The following ST8SIA1 variants were observed in gnomAD, a reference collection of about 807,000 sequenced individuals.
ST8SIA1 encodes the protein ST8 alpha-N-acetyl-neuraminide alpha-2,8-sialyltransferase 1.
A neutral mutation model predicts 35.9 loss-of-function variants in ST8SIA1; 16 were observed. The observed-to-expected ratio is 0.45, with a 90% CI of 0.30 to 0.68. The LOEUF (loss-of-function observed/expected upper bound fraction) is 0.68, where lower values mean the gene tolerates loss of function less well. ST8SIA1 is among the 30% of genes least tolerant of loss of function. The pLI is 0.09. For missense variants in ST8SIA1, 383 were observed against 453.6 expected, an observed-to-expected ratio of 0.84 and a Z score of 1.41; for synonymous variants, 170 against 169.6, an observed-to-expected ratio of 1.00 and a Z score of -0.02.
At chr12:22,221,211 C>T (rs1260510130) in intron 4 of ST8SIA1, among the ~76,000 whole-genome samples, 1 of 151,734 alleles carries the variant, frequency 6.6e-6, no homozygotes, top group Non-Finnish European at 1.5e-5. Flanking sequence ...CAATTTACAT[C>T]ATCACCTGGA....
At chr12:22,230,103 CAAAT>C (rs1371995014) in intron 4 of ST8SIA1, among the ~76,000 whole-genome samples, 1 of 152,178 alleles carries the variant, frequency 6.6e-6, no homozygotes, top group Non-Finnish European at 1.5e-5. Context: ...ATTGTTCAAA[CAAAT>C]AGTGTCAAGC....
At chr12:22,217,200 C>A (rs972405677) in intron 4 of ST8SIA1, among the ~76,000 whole-genome samples, 1 of 152,096 alleles carries the variant, frequency 6.6e-6, no homozygotes, top group Non-Finnish European at 1.5e-5. Context: ...CATAGGTGTT[C>A]ATCTCTTATG....
At chr12:22,247,223 T>A (rs1396736663) in intron 4 of ST8SIA1, among the ~76,000 whole-genome samples, 1 of 151,526 alleles carries the variant, frequency 6.6e-6, no homozygotes, top group Non-Finnish European at 1.5e-5. Flanking sequence ...CAACTCCACA[T>A]ATTCAGGTAG....
chr12:22,240,978 C>CTTT (rs35021216), intron 4 of ST8SIA1, among the ~76,000 whole-genome samples: 74 of 130,428 alleles, frequency 5.7e-4, no homozygotes, highest in South Asian at 1.5e-3. Flanking sequence ...CATGCCAACT[C>CTTT]TTTTTTTTTT....
chr12:22,311,246 C>T (rs1237771451), intron 1 of ST8SIA1, among the ~76,000 whole-genome samples: 1 of 152,086 alleles, frequency 6.6e-6, no homozygotes, highest in African/African-American at 2.4e-5. Flanking sequence ...TGGCAAGAGA[C>T]AGCAGCAAAT....
At chr12:22,318,942 A>T (rs1866551081) in intron 1 of ST8SIA1, among the ~76,000 whole-genome samples, 1 of 152,136 alleles carries the variant, frequency 6.6e-6, no homozygotes, top group South Asian at 2.1e-4. Flanking sequence ...CAAGGTCCTT[A>T]AGCTCTTTGT....
intron 1 of ST8SIA1, among the ~76,000 whole-genome samples, chr12:22,312,650 G>A (rs1162046383): frequency 6.6e-6 from 1 of 151,584 alleles, no homozygotes; most frequent in Non-Finnish European, 1.5e-5. Flanking sequence ...AGTCATTGCT[G>A]GATTAAGCAA....
rs112067131 is a variant in ST8SIA1, at chr12:22,198,098, G to A, written c.*3454C>T. 3.0e-4 allele frequency: 45 copies of A among 152,154 alleles called. 1 individual carries two copies. Among genetic ancestry groups the A allele is most frequent in the African/African-American group, 1.0e-3 (43 of 41,510 alleles). The allele number at this position is 152,154 out of a possible 1,614,324, so 9.4% of individuals were successfully genotyped here. On this transcript the variant is annotated 3_prime_UTR_variant, in exon 5 of 5. Transcript: ENST00000396037. ...GAATCAATGCAGTTCTCAAATCGAG[G>A]CTAATAAAAACTAAAATTCTATCAG...
intron 1 of ST8SIA1, among the ~76,000 whole-genome samples, chr12:22,301,195 G>T (rs1329838469): frequency 6.6e-6 from 1 of 151,940 alleles, no homozygotes; most frequent in African/African-American, 2.4e-5. Context: ...TTTATAATCA[G>T]CTGTAAAACT....
chr12:22,333,345 C>T (rs1029477208), intron 1 of ST8SIA1, among the ~76,000 whole-genome samples: 3 of 152,174 alleles, frequency 2.0e-5, no homozygotes, highest in African/African-American at 7.2e-5. Context: ...AAAGTAATGA[C>T]CTTGGGGAAG....
intron 4 of ST8SIA1, among the ~76,000 whole-genome samples, chr12:22,244,105 G>A (rs1273946356): frequency 6.6e-6 from 1 of 152,042 alleles, no homozygotes; most frequent in Non-Finnish European, 1.5e-5. Flanking sequence ...TTACACTCTA[G>A]TATACGTCTC....
rs1219186319 is a variant in ST8SIA1, at chr12:22,199,852, C to T, written c.*1700G>A. Reference sequence around the variant, plus strand: ...ACTAGAACTTTTTGGTACAGTTTACCTACAATTTAGTGACATTTAAAATAA... The same window carrying T: ...ACTAGAACTTTTTGGTACAGTTTACTTACAATTTAGTGACATTTAAAATAA... On this transcript the variant is annotated 3_prime_UTR_variant, in exon 5 of 5. Coordinates refer to ENST00000396037, the MANE Select transcript of ST8SIA1 (RefSeq NM_003034.4). 1.3e-5 allele frequency: 2 copies of T among 152,034 alleles called. No individual in the cohort carries two copies. The highest frequency in any genetic ancestry group is 3.2e-3 in the Middle Eastern group (1 of 316). 9.4% of individuals were successfully genotyped at this position (152,034 alleles called of 1,614,324 possible).
At chr12:22,272,225 T>G (rs1334127136) in intron 2 of ST8SIA1, among the ~76,000 whole-genome samples, 1 of 152,240 alleles carries the variant, frequency 6.6e-6, no homozygotes, top group South Asian at 2.1e-4. Flanking sequence ...CTTTCAAATA[T>G]TGCAGAGAGC....
intron 1 of ST8SIA1, among the ~76,000 whole-genome samples, chr12:22,331,272 G>A (rs1164280597): frequency 1.3e-5 from 2 of 152,138 alleles, no homozygotes; most frequent in African/African-American, 2.4e-5. Context: ...CCTCTACTAG[G>A]AGGAAAGCTC....
chr12:22,277,242 T>A (rs1865980060), intron 2 of ST8SIA1, among the ~76,000 whole-genome samples: 1 of 152,160 alleles, frequency 6.6e-6, no homozygotes, highest in African/African-American at 2.4e-5. Context: ...AGCCACTTGC[T>A]CATCTGCATG....
At chr12:22,209,444 A>G (rs921348482) in intron 4 of ST8SIA1, among the ~76,000 whole-genome samples, 1 of 152,218 alleles carries the variant, frequency 6.6e-6, no homozygotes. Flanking sequence ...ACTATAGCAA[A>G]CTAACAGTCT....
chr12:22,262,329 C>T (rs968808954), intron 2 of ST8SIA1, among the ~76,000 whole-genome samples: 7 of 152,150 alleles, frequency 4.6e-5, no homozygotes, highest in African/African-American at 1.7e-4. Flanking sequence ...ATTAAGTTAA[C>T]AAAGCATCAT....
At chr12:22,267,688 A>G (rs1472134122) in intron 2 of ST8SIA1, among the ~76,000 whole-genome samples, 1 of 152,082 alleles carries the variant, frequency 6.6e-6, no homozygotes, top group Non-Finnish European at 1.5e-5. Context: ...CTTTTTTCAC[A>G]GTGTAACTCA....
At chr12:22,257,492 GGGATTACAGGAGCGAGCCACC>G (rs1865741764) in intron 2 of ST8SIA1, among the ~76,000 whole-genome samples, 1 of 150,724 alleles carries the variant, frequency 6.6e-6, no homozygotes, top group Admixed American at 6.6e-5. Context: ...CCAAAGTGCT[GGGATTACAGGAGCGAGCCACC>G]GCACCTGGCC....
Sources: gnomAD v4.1 joint callset for allele counts (sites outside exome capture counted in the v4.1 genomes callset) on GRCh38, gnomAD v4.1.1 for gene constraint, MANE v1.5 for transcripts, NCBI Gene and HGNC (gene_info 2026-07-23, HGNC 2026-07-21) for gene names.